The following LRRC49 variants were observed in gnomAD, a reference collection of about 807,000 sequenced individuals.
The protein encoded by LRRC49 is leucine-rich repeat-containing protein 49.
Under a neutral mutation model 83.3 loss-of-function variants are expected in LRRC49, and 50 were observed. The ratio of observed to expected loss-of-function variants is 0.60; its 90% confidence interval spans 0.48 to 0.76. The LOEUF is 0.76. Ranked by LOEUF, LRRC49 falls within the 30% of genes least tolerant of loss-of-function variation. The pLI is 0.00. For synonymous variants in LRRC49, 286 were observed against 283.3 expected, an observed-to-expected ratio of 1.01 and a Z score of -0.10; for missense variants, 704 against 809.1, an observed-to-expected ratio of 0.87 and a Z score of 1.58.
intron 1 of LRRC49, chr15:70,858,814 C>T: frequency 1.2e-6 from 1 of 812,004 alleles, no homozygotes; most frequent in Non-Finnish European, 2.1e-6. Flanking sequence ...CCCGCATCAG[C>T]ACCTGAGATT....
At position 70,914,569 on chromosome 15, in the gene LRRC49, TA is replaced by T. The variant is rs369645028; in HGVS notation, c.567+2973del. ...TAAAGTAGTAGCAATAAGGATATGA[TA>T]AGGGGGCAGATTGGATAAATATTTA... On this transcript the variant is annotated intron_variant, in intron 6 of 15. Coordinates refer to ENST00000260382, the MANE Select transcript of LRRC49 (RefSeq NM_017691.5). Among the ~76,000 whole-genome samples, 656 of 152,230 alleles carry T rather than the reference TA, an allele frequency of 4.3e-3. 3 individuals carry two copies. The highest frequency in any genetic ancestry group is 0.015 in the African/African-American group (617 of 41,544).
chr15:70,879,714 G>C (rs1012862247), intron 2 of LRRC49, among the ~76,000 whole-genome samples: 6 of 152,146 alleles, frequency 3.9e-5, no homozygotes, highest in Admixed American at 6.5e-5. Context: ...TGGCAGCACT[G>C]AATTCCTACC....
chr15:70,854,440 C>G (rs945612896), intron 1 of LRRC49, among the ~76,000 whole-genome samples: 1 of 152,176 alleles, frequency 6.6e-6, no homozygotes, highest in African/African-American at 2.4e-5. Context: ...GTCAGGGCTC[C>G]CTCCTCCTGC....
In LRRC49 at chr15:71,025,360, C is replaced by T; in HGVS notation, c.1704-11819C>T. On this transcript the variant is annotated intron_variant, in intron 14 of 15. Coordinates refer to ENST00000260382, the MANE Select transcript of LRRC49 (RefSeq NM_017691.5). ...TAACAGTGGACCTCTCAGCAGAAAG[C>T]CTACAAGCCAGAAGAGATTGGAGGA... Among the ~76,000 whole-genome samples the T allele has an allele frequency of 1.3e-5, 2 of 152,096 alleles. 1 individual carries two copies.
intron 7 of LRRC49, among the ~76,000 whole-genome samples, chr15:70,929,361 G>A (rs2141146715): frequency 6.6e-6 from 1 of 152,262 alleles, no homozygotes; most frequent in East Asian, 1.9e-4. Context: ...TATTAAATGT[G>A]CTATAGCATT....
At chr15:70,970,373 G>A (rs916233587) in intron 9 of LRRC49, among the ~76,000 whole-genome samples, 2 of 152,100 alleles carry the variant, frequency 1.3e-5, no homozygotes, top group South Asian at 2.1e-4. Flanking sequence ...TGCTGGATTC[G>A]GTTTGCCCCT....
chr15:71,025,944 C>G (rs1034629167), intron 14 of LRRC49, among the ~76,000 whole-genome samples: 3 of 152,186 alleles, frequency 2.0e-5, no homozygotes, highest in Non-Finnish European at 4.4e-5. Flanking sequence ...TAACACCCCA[C>G]TGTCAACATT....
chr15:71,000,653 T>A (rs1275506950), intron 11 of LRRC49, among the ~76,000 whole-genome samples: 1 of 152,178 alleles, frequency 6.6e-6, no homozygotes, highest in Non-Finnish European at 1.5e-5. Context: ...AGTTTGTTTT[T>A]TTCTGGAGTT....
chr15:70,901,060 T>A, intron 4 of LRRC49, 36 bp downstream of exon 4: 1 of 1,254,630 alleles, frequency 8.0e-7, no homozygotes, highest in Non-Finnish European at 1.2e-6. Context: ...TTTTTTTGAC[T>A]AGGTAATACA....
At chr15:70,994,695 G>C (rs2038018070) in intron 11 of LRRC49, among the ~76,000 whole-genome samples, 2 of 152,046 alleles carry the variant, frequency 1.3e-5, no homozygotes, top group South Asian at 4.2e-4. Context: ...GGCTGGTCTT[G>C]AACTCTTAGG....
At chr15:70,987,640 T>C (rs2141233098) in intron 11 of LRRC49, among the ~76,000 whole-genome samples, 1 of 152,322 alleles carries the variant, frequency 6.6e-6, no homozygotes, top group Non-Finnish European at 1.5e-5. Flanking sequence ...TTTCCTTCAG[T>C]TCTGCTCTGA....
chr15:70,955,722 T>G (rs150779897), intron 8 of LRRC49, among the ~76,000 whole-genome samples: 6 of 152,108 alleles, frequency 3.9e-5, no homozygotes, highest in African/African-American at 1.5e-4. Context: ...TAGTTTTCTA[T>G]GTAGTCCTCA....
At chr15:70,891,977 C>G, upstream of LRRC49, 3 of 1,613,488 alleles carry the variant, frequency 1.9e-6, no homozygotes, top group Non-Finnish European at 2.5e-6. Context: ...CTCCTCTCCC[C>G]TCTTAGGTGC....
At chr15:70,920,992 C>CT (rs1567053027) in intron 7 of LRRC49, among the ~76,000 whole-genome samples, 1 of 151,804 alleles carries the variant, frequency 6.6e-6, no homozygotes, top group Non-Finnish European at 1.5e-5. Context: ...ATTCTTCTTG[C>CT]TTTTTTTTCT....
At chr15:71,031,631 G>A (rs562021512) in intron 14 of LRRC49, among the ~76,000 whole-genome samples, 11 of 152,332 alleles carry the variant, frequency 7.2e-5, no homozygotes, top group South Asian at 6.2e-4. Context: ...TTCCCCAGGT[G>A]CTCTGTCCCA....
chr15:70,954,623 C>G (rs1441602223), intron 8 of LRRC49, among the ~76,000 whole-genome samples: 1 of 151,994 alleles, frequency 6.6e-6, no homozygotes. Flanking sequence ...ATCTTTATTG[C>G]CCTTAGGGTT....
intron 1 of LRRC49, chr15:70,859,132 C>T: frequency 7.4e-7 from 1 of 1,353,884 alleles, no homozygotes; most frequent in Non-Finnish European, 1.1e-6. Flanking sequence ...ACAACATGTT[C>T]CAGAGCTATA....
Position 70,980,205 on chromosome 15 carries a change from A to G in LRRC49, c.1005+21A>G, listed in dbSNP as rs776180198. On this transcript the variant is annotated intron_variant, in intron 10 of 15. Coordinates refer to ENST00000260382, the MANE Select transcript of LRRC49 (RefSeq NM_017691.5). ...TTAAGGTATTTTCTCTGATGTCTAC[A>G]TGGATGTGTGTGCACACGTAGACAC... The G allele has an allele frequency of 3.8e-6, 6 of 1,562,652 alleles. No homozygotes were observed. The East Asian group carries it at 6.8e-5, about 18-fold the overall frequency.
chr15:70,878,286 C>T (rs1041363714), intron 2 of LRRC49, among the ~76,000 whole-genome samples: 1 of 152,018 alleles, frequency 6.6e-6, no homozygotes, highest in South Asian at 2.1e-4. Flanking sequence ...ATTTGGTTTG[C>T]TAAACTGATT....
Sources: allele counts gnomAD v4.1 joint callset (sites outside exome capture counted in the v4.1 genomes callset), GRCh38; gene constraint gnomAD v4.1.1; transcripts MANE v1.5; gene names NCBI Gene and HGNC (gene_info 2026-07-23, HGNC 2026-07-21).